Variants in SLC7A8 observed in about 807,000 individuals in gnomAD.
SLC7A8 encodes large neutral amino acids transporter small subunit 2.
A neutral mutation model predicts 51.2 loss-of-function variants in SLC7A8; 30 were observed. The ratio of observed to expected loss-of-function variants is 0.59; its 90% CI spans 0.44 to 0.80. SLC7A8 has a LOEUF of 0.80. SLC7A8 is among the 30% of genes least tolerant of loss of function. SLC7A8 has a pLI of 0.00. For synonymous variants in SLC7A8, 257 were observed against 275.8 expected (o/e 0.93, Z 0.67); for missense variants, 612 against 674.4 (o/e 0.91, Z 1.03).
chr14:23,181,224 CTA>C (rs1276108710), intron 1 of SLC7A8, among the ~76,000 whole-genome samples: 4 of 151,962 alleles, frequency 2.6e-5, no homozygotes. Context: ...CTGGCATGTG[CTA>C]TACATACTGA....
intron 7 of SLC7A8, among the ~76,000 whole-genome samples, chr14:23,135,649 C>G (rs2048683474): frequency 6.6e-6 from 1 of 151,720 alleles, no homozygotes; most frequent in Admixed American, 6.6e-5. Context: ...GTGCAGTGAG[C>G]CAAGATTGCG....
rs2048575580 is a variant in SLC7A8 at position 23,126,279 on chromosome 14, A to T, written c.*898T>A. 6.5e-6 allele frequency: 1 copy of T among 153,792 alleles called. No individual in the cohort carries two copies. Among genetic ancestry groups the T allele is most frequent in the Non-Finnish European group, 1.5e-5 (1 of 68,556 alleles). The allele number at this position is 153,792 out of a possible 1,614,324, so 9.5% of individuals were successfully genotyped here. On this transcript the variant is annotated 3_prime_UTR_variant, in exon 11 of 11. Transcript: ENST00000316902. ...GCCAAGGCCCAGAGAGGAGAAGTGC[A>T]CGGTGGGGGCGGTGGTGCTGGCTGT... is the stretch of plus-strand genomic sequence containing the variant.
chr14:23,152,244 C>T (rs772394552), intron 3 of SLC7A8, among the ~76,000 whole-genome samples: 25 of 152,094 alleles, frequency 1.6e-4, no homozygotes, highest in Non-Finnish European at 3.1e-4. Flanking sequence ...GTCCTCCCAC[C>T]TCAGCCTCCT....
chr14:23,178,032 A>G (rs1876997188), intron 1 of SLC7A8, among the ~76,000 whole-genome samples: 1 of 152,202 alleles, frequency 6.6e-6, no homozygotes, highest in Non-Finnish European at 1.5e-5. Context: ...TCCTAGCTCC[A>G]ATATTTTTTA....
At chr14:23,161,077 A>AT (rs1393490733) in intron 3 of SLC7A8, among the ~76,000 whole-genome samples, 2 of 151,956 alleles carry the variant, frequency 1.3e-5, no homozygotes, top group Non-Finnish European at 2.9e-5. Context: ...CTGCAGTTGC[A>AT]TAAGTGTGAT....
chr14:23,150,506 G>A (rs926090464), intron 3 of SLC7A8, among the ~76,000 whole-genome samples: 8 of 152,144 alleles, frequency 5.3e-5, no homozygotes, highest in African/African-American at 9.7e-5. Context: ...GGAACTCAGC[G>A]GCCATGGTGC....
chr14:23,140,033 T>A (rs1224259417), intron 5 of SLC7A8, among the ~76,000 whole-genome samples: 1 of 151,290 alleles, frequency 6.6e-6, no homozygotes, highest in African/African-American at 2.4e-5. Context: ...AAAGAAAAAA[T>A]AAGTTAAAAA....
chr14:23,143,068 G>A lies in SLC7A8; in HGVS notation c.634+11C>T. 1.2e-6 allele frequency: 2 copies of A among 1,613,506 alleles called. No individual in the cohort carries two copies. The highest frequency in any genetic ancestry group is 1.3e-5 in the African/African-American group (1 of 75,016). Reference sequence around the variant, plus strand: ...AAGCTGGGCAGTACCTGTTTTTCCTGCGATACTCACCTTTGCATATCTGTA... The same window carrying A: ...AAGCTGGGCAGTACCTGTTTTTCCTACGATACTCACCTTTGCATATCTGTA... On this transcript the variant is annotated intron_variant, in intron 4 of 10. Transcript: ENST00000316902.
In SLC7A8 at chr14:23,131,547, C is replaced by T. The variant is rs146015199; in HGVS notation, c.1027G>A (p.Ala343Thr). 37 of 1,603,212 alleles carry T rather than the reference C, an allele frequency of 2.3e-5. No individual in the cohort carries two copies. Among genetic ancestry groups the T allele is most frequent in the Middle Eastern group, 1.7e-4 (1 of 6,048 alleles). Residue 343 changes from alanine to threonine, a missense_variant, in exon 8 of 11, where the codon GCT becomes ACT. By Grantham distance (58) the Ala-to-Thr change is moderately conservative. Coordinates refer to ENST00000316902, the MANE Select transcript of SLC7A8 (RefSeq NM_012244.4). The part of the protein sequence containing the change: ...SLFTSSRLFF[A>T]GAREGHLPSV... Reference sequence around the variant, plus strand: ...GGAAGGTGGCCCTCTCGGGCTCCAGCGAAGAACAGCCTGTCAGGGAGAAAA... The same window carrying T: ...GGAAGGTGGCCCTCTCGGGCTCCAGTGAAGAACAGCCTGTCAGGGAGAAAA...
Position 23,125,791 on chromosome 14 carries a change from A to C in SLC7A8, c.*1386T>G, listed in dbSNP as rs553611902. On this transcript the variant is annotated 3_prime_UTR_variant, in exon 11 of 11. Coordinates refer to ENST00000316902, the MANE Select transcript of SLC7A8 (RefSeq NM_012244.4). The stretch of plus-strand genomic sequence containing the variant: ...TGTGATAAAAGGATCCTAAGTCCTT[A>C]GTGCAGCAGGAGTGGCTGGGAAGGT... 3 of 152,882 alleles carry C rather than the reference A, an allele frequency of 2.0e-5. No individual in the cohort carries two copies. The South Asian group carries it at 6.2e-4, about 32-fold the overall frequency. 9.5% of individuals were successfully genotyped at this position (152,882 alleles called of 1,614,324 possible).
intron 3 of SLC7A8, chr14:23,155,453 C>A (rs1330459158): frequency 7.0e-7 from 1 of 1,432,290 alleles, no homozygotes; most frequent in African/African-American, 1.4e-5. Context: ...TCTGCTGAAT[C>A]ACCACCCAGT....
At chr14:23,146,286 CCTT>C (rs1425564468) in intron 3 of SLC7A8, among the ~76,000 whole-genome samples, 1 of 152,140 alleles carries the variant, frequency 6.6e-6, no homozygotes, top group Non-Finnish European at 1.5e-5. Context: ...GGAAGAAAAT[CCTT>C]CTCCAAGGGG....
chr14:23,169,376 T>G (rs1460196719), intron 1 of SLC7A8, among the ~76,000 whole-genome samples: 3 of 151,808 alleles, frequency 2.0e-5, no homozygotes, highest in Non-Finnish European at 4.4e-5. Context: ...ATAAATAAAA[T>G]TACAAAGATA....
chr14:23,154,258 C>T (rs769912549), intron 3 of SLC7A8: 19 of 1,000,204 alleles, frequency 1.9e-5, no homozygotes, highest in Non-Finnish European at 2.3e-5. Context: ...CTCAGCCTCA[C>T]CTTTTGCTGG....
intron 7 of SLC7A8, among the ~76,000 whole-genome samples, chr14:23,132,370 A>G (rs2048645283): frequency 6.6e-6 from 1 of 151,984 alleles, no homozygotes; most frequent in Non-Finnish European, 1.5e-5. Context: ...TGGTGGTGGA[A>G]ATGTTCTCTA....
At chr14:23,154,579 G>A (rs1253332565) in intron 3 of SLC7A8, 35 of 658,066 alleles carry the variant, frequency 5.3e-5, no homozygotes, top group Non-Finnish European at 6.4e-5. Flanking sequence ...GGCGTTTCCA[G>A]ATCTAGGAGG....
chr14:23,166,749 G>C (rs1180325181), intron 1 of SLC7A8, among the ~76,000 whole-genome samples: 1 of 152,176 alleles, frequency 6.6e-6, no homozygotes, highest in Non-Finnish European at 1.5e-5. Context: ...CCAGGAACTT[G>C]GTCAGGTACT....
intron 1 of SLC7A8, among the ~76,000 whole-genome samples, chr14:23,171,891 A>G (rs1457984181): frequency 6.6e-6 from 1 of 152,218 alleles, no homozygotes; most frequent in African/African-American, 2.4e-5. Flanking sequence ...ACTCTGACAC[A>G]TGCCCTGAGG....
intron 1 of SLC7A8, among the ~76,000 whole-genome samples, chr14:23,174,820 G>A (rs1343239195): frequency 6.6e-6 from 1 of 152,200 alleles, no homozygotes; most frequent in East Asian, 1.9e-4. Flanking sequence ...AGAAGGCATG[G>A]TCCTCCATGC....
Sources: gnomAD v4.1 joint callset for allele counts (sites outside exome capture counted in the v4.1 genomes callset) on GRCh38, gnomAD v4.1.1 for gene constraint, MANE v1.5 for transcripts, NCBI Gene and HGNC (gene_info 2026-07-23, HGNC 2026-07-21) for gene names.